Variants in GALNT2 observed in about 807,000 individuals in gnomAD.
GALNT2 encodes the protein UDP-GalNAc:polypeptide N-acetylgalactosaminyltransferase 2.
GALNT2 carries 31 observed loss-of-function variants against 81.4 expected under a neutral mutation model. The observed-to-expected ratio is 0.38, with a 90% confidence interval of 0.29 to 0.51. The LOEUF (loss-of-function observed/expected upper bound fraction) is 0.51, where lower values mean the gene tolerates loss of function less well. Among genes scored for constraint, GALNT2 ranks in the 20% least tolerant of loss-of-function variants. The pLI, the probability that GALNT2 is intolerant of heterozygous loss-of-function variation, is 0.87. For synonymous variants in GALNT2, 303 were observed against 287.4 expected (o/e 1.05, Z -0.55); for missense variants, 629 against 765.7 (o/e 0.82, Z 2.11).
intron 7 of GALNT2, among the ~76,000 whole-genome samples, chr1:230,244,249 A>T (rs1374189463): frequency 1.3e-5 from 2 of 152,070 alleles, no homozygotes; most frequent in African/African-American, 2.4e-5. Context: ...ATTACCCTTT[A>T]TCAAGTTGGG....
At chr1:230,204,168 C>CT (rs373232106) in intron 3 of GALNT2, among the ~76,000 whole-genome samples, 9,722 of 125,822 alleles carry the variant, frequency 0.077, 349 homozygotes, top group East Asian at 0.14. Flanking sequence ...TTTTCTTTTT[C>CT]TTTTTTTTTT....
rs1666157221 is a variant in GALNT2, at chr1:230,271,377, C to T, written c.1441-3068C>T. 6.6e-6 allele frequency among the ~76,000 whole-genome samples: 1 copy of T among 152,250 alleles called. No homozygotes were observed. Among genetic ancestry groups the T allele is most frequent in the Non-Finnish European group, 1.5e-5 (1 of 68,048 alleles). On this transcript the variant is annotated intron_variant, in intron 14 of 15. Transcript: ENST00000366672. This position sits in a 1 kb window ranked among gnomAD's most constrained non-coding sequence, Gnocchi z 4.2. Reference sequence around the variant, plus strand: ...AAAACTTCTCACCTCTGACACCAGCCCTGTGGGCTTTTCCCCCCACACCAA... The same window carrying T: ...AAAACTTCTCACCTCTGACACCAGCTCTGTGGGCTTTTCCCCCCACACCAA...
chr1:230,169,193 A>G (rs1415895526), intron 1 of GALNT2, among the ~76,000 whole-genome samples: 3 of 152,206 alleles, frequency 2.0e-5, no homozygotes, highest in Admixed American at 2.0e-4. Flanking sequence ...ACCCCTGAAT[A>G]GTAACTGGAA....
At chr1:230,155,073 C>CT (rs1450641933) in intron 1 of GALNT2, among the ~76,000 whole-genome samples, 2 of 152,130 alleles carry the variant, frequency 1.3e-5, no homozygotes, top group Non-Finnish European at 2.9e-5. Context: ...CATCAGGGTC[C>CT]TCCCAGATGA....
chr1:230,194,261 T>C (rs1309947006), intron 2 of GALNT2, among the ~76,000 whole-genome samples: 1 of 152,164 alleles, frequency 6.6e-6, no homozygotes, highest in Admixed American at 6.5e-5. Flanking sequence ...CTGAAGTCTG[T>C]GTAACCCAGG....
chr1:230,091,801 C>T (rs35709111), intron 1 of GALNT2: 2 of 152,506 alleles, frequency 1.3e-5, no homozygotes, highest in Admixed American at 6.5e-5. Flanking sequence ...CCAGCCTCAT[C>T]GTCCACACTC....
At chr1:230,064,235 T>A (rs1659112918), upstream of GALNT2, among the ~76,000 whole-genome samples, 1 of 152,168 alleles carries the variant, frequency 6.6e-6, no homozygotes, top group Non-Finnish European at 1.5e-5. Flanking sequence ...CTATTTTCCC[T>A]TCGCTCTTCC....
At chr1:230,135,385 G>T (rs1661504536) in intron 1 of GALNT2, among the ~76,000 whole-genome samples, 1 of 149,480 alleles carries the variant, frequency 6.7e-6, no homozygotes, top group Non-Finnish European at 1.5e-5. Flanking sequence ...TTTCAGAAGA[G>T]AAACCATTTT....
At chr1:230,098,156 T>C (rs1242083218) in intron 1 of GALNT2, among the ~76,000 whole-genome samples, 1 of 152,148 alleles carries the variant, frequency 6.6e-6, no homozygotes, top group Non-Finnish European at 1.5e-5. Context: ...ATGGGGTTTA[T>C]GAGGTTTGAA....
At chr1:230,159,794 G>T (rs1465370947) in intron 1 of GALNT2, among the ~76,000 whole-genome samples, 1 of 152,232 alleles carries the variant, frequency 6.6e-6, no homozygotes, top group Non-Finnish European at 1.5e-5. Flanking sequence ...GCTGGCTTTG[G>T]GTGCAATGAC....
chr1:230,086,354 T>G (rs1294664818), intron 1 of GALNT2, among the ~76,000 whole-genome samples: 1 of 152,128 alleles, frequency 6.6e-6, no homozygotes, highest in African/African-American at 2.4e-5. Flanking sequence ...CACCTCCTGG[T>G]CATTCTGCCG....
At chr1:230,175,843 C>T (rs140546887) in intron 1 of GALNT2, among the ~76,000 whole-genome samples, 17 of 151,830 alleles carry the variant, frequency 1.1e-4, no homozygotes, top group African/African-American at 4.1e-4. Flanking sequence ...GAGAATCAGG[C>T]TCTTATAATT....
intron 11 of GALNT2, among the ~76,000 whole-genome samples, chr1:230,256,524 A>G (rs1457559335): frequency 2.0e-5 from 3 of 152,188 alleles, no homozygotes; most frequent in Non-Finnish European, 4.4e-5. Context: ...GGAGGGAACA[A>G]ACATTCAAAC....
In GALNT2 at chr1:230,244,543, G is replaced by T. The variant is rs554106349; in HGVS notation, c.729+1116G>T. Among the ~76,000 whole-genome samples, 9 of 147,116 alleles carry T rather than the reference G, an allele frequency of 6.1e-5. No homozygotes were observed. In the East Asian group the frequency reaches 1.7e-3, roughly 28 times the overall value. On this transcript the variant is annotated intron_variant, in intron 7 of 15. Transcript: ENST00000366672. ...CCGCCAGGCTGTCTCTCAGGGAAGCGCAGTCAAAACCAAAACTGCCATGGC... is the reference window on the plus strand; with the variant it reads ...CCGCCAGGCTGTCTCTCAGGGAAGCTCAGTCAAAACCAAAACTGCCATGGC...
In GALNT2 at chr1:230,262,917, T is replaced by G. The variant is rs752644054; in HGVS notation, c.1230-5T>G. 3.7e-6 allele frequency: 6 copies of G among 1,612,292 alleles called. No homozygotes were observed. ...ATAAAGGAATCTTATTTCCCTCTTC[T>G]CCAGTATTCAGAGCAGATTGGAGCT... On this transcript the variant is annotated splice_polypyrimidine_tract_variant and splice_region_variant and intron_variant, in intron 12 of 15. Coordinates refer to ENST00000366672, the MANE Select transcript of GALNT2 (RefSeq NM_004481.5).
intron 1 of GALNT2, among the ~76,000 whole-genome samples, chr1:230,171,063 G>A (rs1385036955): frequency 1.3e-5 from 2 of 152,226 alleles, no homozygotes; most frequent in Non-Finnish European, 2.9e-5. Context: ...TATTTGGAAA[G>A]TAAGTTTTTT....
intron 1 of GALNT2, among the ~76,000 whole-genome samples, chr1:230,071,686 A>T (rs1474925): frequency 2.0e-5 from 3 of 152,028 alleles, no homozygotes; most frequent in Non-Finnish European, 4.4e-5. Context: ...ACCTATCATC[A>T]GTTTGGAGTT....
chr1:230,176,396 G>C (rs1662979919), intron 1 of GALNT2, among the ~76,000 whole-genome samples: 1 of 152,148 alleles, frequency 6.6e-6, no homozygotes, highest in Admixed American at 6.5e-5. Context: ...AGCCCCACTG[G>C]CAGTGTTCAC....
chr1:230,214,928 T>C (rs1353032376), intron 3 of GALNT2, among the ~76,000 whole-genome samples: 1 of 152,226 alleles, frequency 6.6e-6, no homozygotes, highest in African/African-American at 2.4e-5. Flanking sequence ...TGCTGAATTC[T>C]TCATTTCAGT....
Sources: allele counts gnomAD v4.1 joint callset (sites outside exome capture counted in the v4.1 genomes callset), GRCh38; gene constraint gnomAD v4.1.1; non-coding constraint Gnocchi (gnomAD v3.1); transcripts MANE v1.5; gene names NCBI Gene and HGNC (gene_info 2026-07-23, HGNC 2026-07-21).